LMF1: variants seen among roughly 807,000 people sequenced by gnomAD.
LMF1 encodes the protein lipase maturation factor 1, also known as transmembrane protein 112.
In LMF1, 68 loss-of-function variants were observed where a neutral mutation model predicts 60.6. That is an observed-to-expected ratio of 1.12 (90% CI 0.92 to 1.37). The LOEUF is 1.37. Ranked by LOEUF, LMF1 falls within the 40% of genes most tolerant of loss-of-function variation. The pLI is 0.00. For missense variants in LMF1, 948 were observed against 767.2 expected (o/e 1.24, Z -2.78); for synonymous variants, 418 against 324.7 (o/e 1.29, Z -3.09).
intron 3 of LMF1, among the ~76,000 whole-genome samples, chr16:925,183 C>CG (rs2071559874): frequency 6.6e-6 from 1 of 152,214 alleles, no homozygotes; most frequent in Non-Finnish European, 1.5e-5. Flanking sequence ...GAGCAGATGC[C>CG]ACCAAACATC....
Position 857,845 on chromosome 16 carries a change from A to C in LMF1, c.1530-3139T>G, listed in dbSNP as rs373949641. The stretch of plus-strand genomic sequence containing the variant: ...TGAGTGGTGTCTCGGGATGGGTGTG[A>C]GTGGTGTCTCGGGATGGGTGTGCGT... On this transcript the variant is annotated intron_variant, in intron 10 of 10. Coordinates refer to ENST00000262301, the MANE Select transcript of LMF1 (RefSeq NM_022773.4). Among the ~76,000 whole-genome samples, 344 of 43,206 alleles carry C rather than the reference A, an allele frequency of 8.0e-3. 1 individual carries two copies. Among genetic ancestry groups the C allele is most frequent in the African/African-American group, 0.019 (65 of 3,492 alleles). 28.3% of individuals were successfully genotyped at this position (43,206 alleles called of 152,430 possible).
chr16:873,767 T>C (rs1712755502), intron 6 of LMF1: 2 of 152,336 alleles, frequency 1.3e-5, no homozygotes, highest in African/African-American at 2.4e-5. Flanking sequence ...CAGAAGAACA[T>C]GGTGGGAGGT....
At chr16:930,034 G>A (rs1471504429) in intron 3 of LMF1, among the ~76,000 whole-genome samples, 2 of 148,258 alleles carry the variant, frequency 1.3e-5, no homozygotes, top group Admixed American at 6.7e-5. Context: ...TGTGAACGGG[G>A]GCACAGGGCC....
At chr16:870,137 G>T in intron 8 of LMF1, 71 bp from the exon 9 acceptor site, 1 of 1,515,432 alleles carries the variant, frequency 6.6e-7, no homozygotes. Flanking sequence ...CATGGGTGGG[G>T]GGGGTTCCCC....
intron 10 of LMF1, among the ~76,000 whole-genome samples, chr16:864,186 C>T (rs1282197801): frequency 3.3e-5 from 5 of 152,140 alleles, no homozygotes; most frequent in East Asian, 1.9e-4. Flanking sequence ...TCTCATTGTC[C>T]GTCTTTGTCT....
chr16:865,416 T>A (rs2069585850), intron 10 of LMF1, among the ~76,000 whole-genome samples: 1 of 151,984 alleles, frequency 6.6e-6, no homozygotes, highest in African/African-American at 2.4e-5. Flanking sequence ...AACGGTGTGA[T>A]CTCGGCTCAC....
Position 870,030 on chromosome 16 carries a change from G to A in LMF1, c.1269C>T (p.Gly423=), listed in dbSNP as rs773179027. ...GGGCGCTGGCGTTGGAGCTGGCTGT[G>A]CCCTGCAGGATCACCTCCGCCCGCT... ...TKERAEVILQ[G]TASSNASAPD... is the part of the protein sequence containing the mutation. The change falls in exon 9 of 11, where the codon GGC becomes GGT. Residue 423 remains glycine, a synonymous_variant. Coordinates refer to ENST00000262301, the MANE Select transcript of LMF1 (RefSeq NM_022773.4). 1 of 1,612,174 alleles carries A rather than the reference G, an allele frequency of 6.2e-7. No individual in the cohort carries two copies. The highest frequency in any genetic ancestry group is 1.1e-5 in the South Asian group (1 of 91,076).
At chr16:951,737 C>T (rs1228660134) in intron 2 of LMF1, among the ~76,000 whole-genome samples, 2 of 152,230 alleles carry the variant, frequency 1.3e-5, no homozygotes, top group Non-Finnish European at 2.9e-5. Flanking sequence ...TGCAGACCCC[C>T]AGAGGCGGCG....
chr16:939,255 TC>T (rs1207156754), intron 2 of LMF1, among the ~76,000 whole-genome samples: 1 of 44,820 alleles, frequency 2.2e-5, no homozygotes, highest in East Asian at 5.4e-4. Flanking sequence ...CAGCACGCTG[TC>T]CCCGCCGTGA....
intron 1 of LMF1, among the ~76,000 whole-genome samples, chr16:969,956 C>T (rs2073006318): frequency 6.6e-6 from 1 of 152,184 alleles, no homozygotes; most frequent in African/African-American, 2.4e-5. Context: ...AGGTTTTGAG[C>T]GTGAACTGAC....
intron 4 of LMF1, among the ~76,000 whole-genome samples, chr16:909,122 T>C (rs2071040827): frequency 6.6e-6 from 1 of 152,168 alleles, no homozygotes; most frequent in African/African-American, 2.4e-5. Context: ...TAAAGGGAAT[T>C]AGGTGCTCGC....
intron 3 of LMF1, among the ~76,000 whole-genome samples, chr16:930,912 G>C (rs1339389203): frequency 6.6e-6 from 1 of 152,234 alleles, no homozygotes; most frequent in Admixed American, 6.5e-5. Flanking sequence ...CCTGAGGTCA[G>C]GAGTTGGAGA....
At chr16:889,205 C>A (rs895780641) in intron 5 of LMF1, among the ~76,000 whole-genome samples, 2 of 152,222 alleles carry the variant, frequency 1.3e-5, no homozygotes, top group Non-Finnish European at 2.9e-5. Flanking sequence ...CAGAGCCACC[C>A]GGTCGCCTTT....
At position 870,702 on chromosome 16, in the gene LMF1, C is replaced by T. The variant is rs371710934; in HGVS notation, c.1232+27G>A. On this transcript the variant is annotated intron_variant, in intron 8 of 10. Transcript: ENST00000262301. ...CTGAGTCTCCCCATATACCCAGCTC[C>T]GGGGGACGGGGACCCCAGGCTCATA... 7.4e-5 allele frequency: 119 copies of T among 1,611,446 alleles called. 1 individual carries two copies. Among genetic ancestry groups the T allele is most frequent in the Middle Eastern group, 1.6e-4 (1 of 6,080 alleles).
intron 1 of LMF1, among the ~76,000 whole-genome samples, chr16:964,860 A>G (rs1597087155): frequency 6.6e-6 from 1 of 152,184 alleles, no homozygotes; most frequent in Non-Finnish European, 1.5e-5. Flanking sequence ...CCGCGGCCCC[A>G]CCTCGCCGAA....
At chr16:938,483 T>C (rs4984723) in intron 2 of LMF1, among the ~76,000 whole-genome samples, 72,536 of 152,124 alleles carry the variant, frequency 0.48, 18,962 homozygotes, top group African/African-American at 0.7. Context: ...AGTTCGGCAG[T>C]GCCAGTGAGG....
intron 10 of LMF1, among the ~76,000 whole-genome samples, chr16:860,212 G>GC (rs949103093): frequency 3.9e-3 from 3 of 774 alleles, no homozygotes; most frequent in Non-Finnish European, 7.7e-3. Context: ...TCTCTTAACA[G>GC]GTCTTTTTAT....
intron 10 of LMF1, among the ~76,000 whole-genome samples, chr16:857,119 C>G (rs1016452961): frequency 3.3e-5 from 5 of 152,260 alleles, no homozygotes; most frequent in Non-Finnish European, 5.9e-5. Flanking sequence ...TCGTCGCTGA[C>G]CGGCGTCTGC....
rs577248488 is a variant in LMF1, at chr16:964,685, T to C, written c.193+6103A>G. On this transcript the variant is annotated intron_variant, in intron 1 of 10. Transcript: ENST00000262301. Reference sequence around the variant, plus strand: ...CTGAGCAGGGTTTCAAGTATTCTTTTTGGTTTCATTTTCTCCTCAAATTTT... The same window carrying C: ...CTGAGCAGGGTTTCAAGTATTCTTTCTGGTTTCATTTTCTCCTCAAATTTT... 2.6e-5 allele frequency among the ~76,000 whole-genome samples: 4 copies of C among 152,302 alleles called. No homozygotes were observed. The East Asian group carries it at 7.7e-4, about 29-fold the overall frequency.
Sources: allele counts gnomAD v4.1 joint callset (sites outside exome capture counted in the v4.1 genomes callset), GRCh38; gene constraint gnomAD v4.1.1; transcripts MANE v1.5; gene names NCBI Gene and HGNC (gene_info 2026-07-23, HGNC 2026-07-21).